GFRA1: variants seen among roughly 807,000 people sequenced by gnomAD.
GFRA1 encodes GDNF family receptor alpha 1.
Under a neutral mutation model 51.6 loss-of-function variants are expected in GFRA1, and 16 were observed. That is an observed-to-expected ratio of 0.31 (90% confidence interval 0.21 to 0.47). GFRA1 has a LOEUF of 0.47. Ranked by LOEUF, GFRA1 falls within the 20% of genes least tolerant of loss-of-function variation. The probability of loss-of-function intolerance (pLI) is 1.00; values close to 1 mark genes in which losing one functional copy is unlikely to be tolerated. For missense variants in GFRA1, 530 were observed against 594.3 expected (o/e 0.89, Z 1.13); for synonymous variants, 270 against 241.3 (o/e 1.12, Z -1.10).
chr10:116,097,561 G>A (rs1956652729), intron 6 of GFRA1, among the ~76,000 whole-genome samples: 1 of 152,222 alleles, frequency 6.6e-6, no homozygotes, highest in Non-Finnish European at 1.5e-5. Context: ...CTGCGGAGAA[G>A]AGGGCCCTTT....
intron 5 of GFRA1, among the ~76,000 whole-genome samples, chr10:116,160,877 C>A (rs1565618454): frequency 2.0e-5 from 3 of 152,172 alleles, no homozygotes; most frequent in Non-Finnish European, 4.4e-5. Context: ...GGGCACCTGT[C>A]AATAACAACA....
chr10:116,205,596 G>T (rs10565443), intron 5 of GFRA1, among the ~76,000 whole-genome samples: 3 of 140,562 alleles, frequency 2.1e-5, no homozygotes, highest in Non-Finnish European at 4.6e-5. Context: ...AAAAAAAAAA[G>T]ATATATATAT....
At chr10:116,179,580 G>A (rs908688770) in intron 5 of GFRA1, among the ~76,000 whole-genome samples, 2 of 152,298 alleles carry the variant, frequency 1.3e-5, no homozygotes, top group East Asian at 1.9e-4. Context: ...ACTGCCTTTT[G>A]TTTACACAGA....
chr10:116,268,393 CA>C (rs1969839602), intron 4 of GFRA1, among the ~76,000 whole-genome samples: 1 of 152,132 alleles, frequency 6.6e-6, no homozygotes, highest in African/African-American at 2.4e-5. Flanking sequence ...AAGACTTAAT[CA>C]ATGTCAGTTC....
chr10:116,227,685 G>A (rs1023271879), intron 4 of GFRA1, among the ~76,000 whole-genome samples: 1 of 152,180 alleles, frequency 6.6e-6, no homozygotes, highest in African/African-American at 2.4e-5. Context: ...GTGTATTATG[G>A]AAACACAGAC....
In GFRA1 at chr10:116,165,128, G is replaced by A. The variant is rs117549637; in HGVS notation, c.434-39571C>T. Reference sequence around the variant, plus strand: ...TGGGTCCTGAAATCTCTGAGTCTGAGGTGAATTTTGAATCAAGCAGAGCCT... The same window carrying A: ...TGGGTCCTGAAATCTCTGAGTCTGAAGTGAATTTTGAATCAAGCAGAGCCT... On this transcript the variant is annotated intron_variant, in intron 5 of 10. Transcript: ENST00000355422. Among the ~76,000 whole-genome samples the A allele has an allele frequency of 9.0e-3, 1,375 of 152,264 alleles. 5 individuals carry two copies. The highest frequency in any genetic ancestry group is 0.014 in the Non-Finnish European group (955 of 68,024).
rs1954602799 is a variant in GFRA1, at chr10:116,057,626, C to G, written c.*6772G>C. On this transcript the variant is annotated 3_prime_UTR_variant, in exon 11 of 11. Transcript: ENST00000355422. The stretch of plus-strand genomic sequence containing the variant: ...CACGCAAGATGGGAAAACTTTAAAG[C>G]AAACTCTGCAGTGAAAAGTGTTTCC... The G allele has an allele frequency of 6.6e-6, 1 of 152,048 alleles. No homozygotes were observed. The highest frequency in any genetic ancestry group is 1.5e-5 in the Non-Finnish European group (1 of 68,016). 9.4% of individuals were successfully genotyped at this position (152,048 alleles called of 1,614,324 possible). A position where few individuals can be genotyped will look rare whatever the true frequency, so the allele number is the denominator to read the frequency against.
chr10:116,093,107 T>A (rs984004123), intron 8 of GFRA1, among the ~76,000 whole-genome samples: 10 of 152,174 alleles, frequency 6.6e-5, no homozygotes, highest in Non-Finnish European at 1.0e-4. Flanking sequence ...AGTGCTTATC[T>A]CGCCTCCAGA....
chr10:116,070,779 T>C (rs1955350512), intron 9 of GFRA1, among the ~76,000 whole-genome samples: 1 of 150,876 alleles, frequency 6.6e-6, no homozygotes, highest in Admixed American at 6.6e-5. Context: ...TTTTTTTTTT[T>C]TTGGCTTTGG....
At chr10:116,152,129 G>A (rs1277422411) in intron 5 of GFRA1, among the ~76,000 whole-genome samples, 1 of 152,192 alleles carries the variant, frequency 6.6e-6, no homozygotes, top group African/African-American at 2.4e-5. Flanking sequence ...ATTCATCTGT[G>A]TGGAAAGGAG....
At chr10:116,255,504 AAAC>A in intron 4 of GFRA1, 1 of 973,122 alleles carries the variant, frequency 1.0e-6, no homozygotes, top group Non-Finnish European at 1.3e-6. Context: ...GGAAAAAAAA[AAAC>A]AAAAAAAAAA....
Position 116,064,328 on chromosome 10 carries a change from C to CAAGAG in GFRA1, c.*65_*69dup. On this transcript the variant is annotated 3_prime_UTR_variant, in exon 11 of 11. Coordinates refer to ENST00000355422, the MANE Select transcript of GFRA1 (RefSeq NM_005264.8). ...CTCCTAAACTGGAATTTCAGCTATA[C>CAAGAG]AAGAGAACAGGAAACAGATAACTTG... The CAAGAG allele has an allele frequency of 7.3e-7, 1 of 1,372,080 alleles. No homozygotes were observed. The highest frequency in any genetic ancestry group is 1.0e-6 in the Non-Finnish European group (1 of 971,846). The allele number at this position is 1,372,080 out of a possible 1,614,324, so 85.0% of individuals were successfully genotyped here.
At chr10:116,189,549 A>G (rs527604893) in intron 5 of GFRA1, among the ~76,000 whole-genome samples, 1 of 152,218 alleles carries the variant, frequency 6.6e-6, no homozygotes, top group Non-Finnish European at 1.5e-5. Flanking sequence ...CACTAGATAA[A>G]TGAACTATCT....
intron 4 of GFRA1, among the ~76,000 whole-genome samples, chr10:116,249,011 T>A (rs1172651289): frequency 6.6e-6 from 1 of 152,154 alleles, no homozygotes; most frequent in Non-Finnish European, 1.5e-5. Context: ...AAAGATGACA[T>A]GTCCGGTCTC....
intron 5 of GFRA1, among the ~76,000 whole-genome samples, chr10:116,194,003 T>C (rs1963501974): frequency 1.4e-5 from 2 of 147,468 alleles, no homozygotes; most frequent in South Asian, 4.3e-4. Flanking sequence ...CGCACCACTG[T>C]ACTCCAGCCT....
intron 5 of GFRA1, among the ~76,000 whole-genome samples, chr10:116,197,351 A>G (rs971973305): frequency 1.3e-5 from 2 of 152,076 alleles, no homozygotes; most frequent in African/African-American, 2.4e-5. Flanking sequence ...CTTACCAAAC[A>G]CGGAATCTGC....
At position 116,216,145 on chromosome 10, in the gene GFRA1, T is replaced by TTA. The variant is rs553568915; in HGVS notation, c.419-4502_419-4501dup. ...AGACAGGGGCCATAAAAAGACTCGA[T>TTA]TATTTATTATTATTAATAAGTTATG... On this transcript the variant is annotated intron_variant, in intron 4 of 10. Coordinates refer to ENST00000355422, the MANE Select transcript of GFRA1 (RefSeq NM_005264.8). Among the ~76,000 whole-genome samples the TTA allele has an allele frequency of 2.3e-3, 348 of 152,292 alleles. 2 individuals carry two copies. The highest frequency in any genetic ancestry group is 1.8e-3 in the Admixed American group (27 of 15,300).
intron 4 of GFRA1, among the ~76,000 whole-genome samples, chr10:116,239,183 C>A (rs1462573322): frequency 6.6e-6 from 1 of 152,186 alleles, no homozygotes; most frequent in Non-Finnish European, 1.5e-5. Context: ...TTGATAAATT[C>A]TGTTCAAAGC....
chr10:116,126,305 A>T (rs61424534), intron 5 of GFRA1, among the ~76,000 whole-genome samples: 1 of 152,156 alleles, frequency 6.6e-6, no homozygotes, highest in Non-Finnish European at 1.5e-5. Flanking sequence ...CTCACAGAGC[A>T]TATGCTGCCT....
Sources: gnomAD v4.1 joint callset for allele counts (sites outside exome capture counted in the v4.1 genomes callset) on GRCh38, gnomAD v4.1.1 for gene constraint, MANE v1.5 for transcripts, NCBI Gene and HGNC (gene_info 2026-07-23, HGNC 2026-07-21) for gene names.